PPP6R1: variants seen among roughly 807,000 people sequenced by gnomAD.
The protein encoded by PPP6R1 is serine/threonine-protein phosphatase 6 regulatory subunit 1.
In PPP6R1, 39 loss-of-function variants were observed where a neutral mutation model predicts 104.6. That is an observed-to-expected ratio of 0.37 (90% CI 0.29 to 0.49). PPP6R1 has a LOEUF of 0.49. PPP6R1 is among the 20% of genes least tolerant of loss of function. The probability of loss-of-function intolerance (pLI) is 0.98; values close to 1 mark genes in which losing one functional copy is unlikely to be tolerated. For synonymous variants in PPP6R1, 549 were observed against 479.0 expected (o/e 1.15, Z -1.91); for missense variants, 1,181 against 1,155.8 (o/e 1.02, Z -0.32).
At position 55,232,170 on chromosome 19, in the gene PPP6R1, T is replaced by G; in HGVS notation, c.2030A>C (p.Asp677Ala). 7 of 1,568,826 alleles carry G rather than the reference T, an allele frequency of 4.5e-6. No individual in the cohort carries two copies. The highest frequency in any genetic ancestry group is 6.1e-6 in the Non-Finnish European group (7 of 1,156,648). ...STDSEDEEEE[D>A]EEEEEDEEGI... ...CTCCTCGTCTTCCTCCTCCTCCTCGTCCTCCTCTTCTTCGTCCTCACTGTC... is the reference window on the plus strand; with the variant it reads ...CTCCTCGTCTTCCTCCTCCTCCTCGGCCTCCTCTTCTTCGTCCTCACTGTC... The change falls in exon 18 of 24, where the codon GAC becomes GCC. Residue 677 changes from aspartate (D) to alanine (A), a missense_variant. Physicochemically the swap from Asp to Ala is moderately radical, Grantham distance 126. Around this residue, in one of 2 missense-constraint regions of PPP6R1, gnomAD observed 1,042 missense variants for 955.6 expected, o/e 1.09. Transcript: ENST00000412770.
intron 7 of PPP6R1, 58 bp downstream of exon 7, chr19:55,242,108 G>A (rs2087463652): frequency 1.3e-6 from 2 of 1,524,252 alleles, no homozygotes; most frequent in Non-Finnish European, 1.8e-6. Context: ...CGCCTCTGAG[G>A]GGCCGGAGAG....
chr19:55,255,360 G>A (rs994835253), intron 1 of PPP6R1, among the ~76,000 whole-genome samples: 1 of 152,168 alleles, frequency 6.6e-6, no homozygotes, highest in Non-Finnish European at 1.5e-5. Context: ...ACAGAAAGGG[G>A]CAGAGTTAGG....
chr19:55,241,284 G>A lies in PPP6R1; in HGVS notation c.1116C>T (p.Ala372=). The A allele has an allele frequency of 1.2e-6, 2 of 1,610,644 alleles. No homozygotes were observed. Among genetic ancestry groups the A allele is most frequent in the Non-Finnish European group, 1.7e-6 (2 of 1,179,500 alleles). ...CCAGTGCCAGGAGCTCGTGCGTCAG[G>A]GCTGCATCATTGGCGCTCAGGGCAC... ...LASALSANDA[A]LTHELLALDV... Residue 372 remains alanine (A), a synonymous_variant, in exon 9 of 24, where the codon GCC becomes GCT. Coordinates refer to ENST00000412770, the MANE Select transcript of PPP6R1 (RefSeq NM_014931.4). The surrounding 1 kb of genome is among the most constrained non-coding windows in gnomAD (Gnocchi z 5.4).
chr19:55,230,843 GC>G lies in PPP6R1; in HGVS notation c.2500del (p.Ala834ProfsTer84). The G allele has an allele frequency of 6.2e-7, 1 of 1,607,226 alleles. No individual in the cohort carries two copies. ...DPSTSVPASG[A>X]HQPPQTTEGE... ...TTCTGTGGTCTGGGGGGGCTGGTGG[GC>G]CCCGGAGGCTGGGACAGAGGTAGAG... On this transcript the variant is annotated frameshift_variant, in exon 22 of 24. Coordinates refer to ENST00000412770, the MANE Select transcript of PPP6R1 (RefSeq NM_014931.4). LOFTEE classifies it high-confidence loss of function.
chr19:55,254,632 T>C (rs1032312603), intron 1 of PPP6R1, among the ~76,000 whole-genome samples: 1 of 152,208 alleles, frequency 6.6e-6, no homozygotes, highest in Non-Finnish European at 1.5e-5. Flanking sequence ...TGGGCACAGA[T>C]GCCTCAGGGG....
chr19:55,230,817 C>T lies in PPP6R1; in HGVS notation c.2527G>A (p.Gly843Arg), dbSNP rs772698629. Residue 843 changes from glycine (G) to arginine (R), a missense_variant, in exon 22 of 24, where the codon GGG becomes AGG. Coordinates refer to ENST00000412770, the MANE Select transcript of PPP6R1 (RefSeq NM_014931.4). ...CCCAAGGGCTCTGGGCTCTTCTCCC[C>T]TTCTGTGGTCTGGGGGGGCTGGTGG... is the stretch of plus-strand genomic sequence containing the variant. ...GAHQPPQTTE[G>R]EKSPEPLGLP... 2.5e-6 allele frequency: 4 copies of T among 1,604,322 alleles called. No individual in the cohort carries two copies. The highest frequency in any genetic ancestry group is 3.4e-6 in the Non-Finnish European group (4 of 1,179,044).
At position 55,239,639 on chromosome 19, in the gene PPP6R1, G is replaced by A. The variant is rs765306424; in HGVS notation, c.1608C>T (p.Asp536=). The change falls in exon 14 of 24, where the codon GAC becomes GAT. Residue 536 remains aspartate (D), a synonymous_variant. Coordinates refer to ENST00000412770, the MANE Select transcript of PPP6R1 (RefSeq NM_014931.4). ...CAGGGAAGTTGAACTCCTTGAGCCG[G>A]TCGTCCTCATCGTCACTGGAGGAGT... ...HLHSSSDDED[D]RLKEFNFPEE... 1.2e-6 allele frequency: 2 copies of A among 1,612,326 alleles called. No homozygotes were observed. Among genetic ancestry groups the A allele is most frequent in the South Asian group, 1.1e-5 (1 of 90,702 alleles).
chr19:55,242,606 G>C (rs2087468890), intron 5 of PPP6R1, 118 bp from the exon 6 acceptor site: 3 of 814,446 alleles, frequency 3.7e-6, no homozygotes, highest in East Asian at 5.1e-5. Context: ...CCCAGACACA[G>C]GGACACGTGT....
At chr19:55,231,719 G>T (rs955511229) in intron 19 of PPP6R1, 51 bp from the exon 20 acceptor site, 3 of 1,526,714 alleles carry the variant, frequency 2.0e-6, no homozygotes, top group Middle Eastern at 1.7e-4. Flanking sequence ...TAGCACTCGA[G>T]CCTATGAGAG....
chr19:55,239,776 C>T, intron 13 of PPP6R1, 50 bp downstream of exon 13: 1 of 1,600,658 alleles, frequency 6.2e-7, no homozygotes, highest in Non-Finnish European at 8.5e-7. Context: ...AAGACTGGCC[C>T]AAGAGAGAGA....
chr19:55,235,675 C>T lies in PPP6R1; in HGVS notation c.1988+968G>A, dbSNP rs1467072610. Among the ~76,000 whole-genome samples, 7 of 151,886 alleles carry T rather than the reference C, an allele frequency of 4.6e-5. 1 individual carries two copies. Among genetic ancestry groups the T allele is most frequent in the South Asian group, 4.2e-4 (2 of 4,814 alleles). ...CTGGGACCACAGGTGCCCGCCACCA[C>T]GCCCGGCAAATTTTTTGTATTTTTA... On this transcript the variant is annotated intron_variant, in intron 17 of 23. Transcript: ENST00000412770.
At chr19:55,243,835 T>C (rs1036160064) in intron 5 of PPP6R1, among the ~76,000 whole-genome samples, 2 of 152,190 alleles carry the variant, frequency 1.3e-5, no homozygotes, top group African/African-American at 4.8e-5. Flanking sequence ...CAATTTTTTG[T>C]AGCGACAACG....
intron 1 of PPP6R1, among the ~76,000 whole-genome samples, chr19:55,252,727 G>A (rs527549199): frequency 3.9e-5 from 6 of 152,156 alleles, no homozygotes; most frequent in Non-Finnish European, 8.8e-5. Context: ...TAGTACAGAC[G>A]GGGTTTCACC....
At position 55,246,927 on chromosome 19, in the gene PPP6R1, G is replaced by A; in HGVS notation, c.177C>T (p.Ala59=). 1 of 1,613,570 alleles carries A rather than the reference G, an allele frequency of 6.2e-7. No individual in the cohort carries two copies. Reference sequence around the variant, plus strand: ...TATCTGGCGGCTCCTGGGTGACCCAGGCCACCATTGCTTGCAGGTGGGGTG... The same window carrying A: ...TATCTGGCGGCTCCTGGGTGACCCAAGCCACCATTGCTTGCAGGTGGGGTG... ...LQPPHLQAMV[A]WVTQEPPDSG... is the part of the protein sequence containing the mutation. Residue 59 remains alanine, a synonymous_variant, in exon 2 of 24, where the codon GCC becomes GCT. Transcript: ENST00000412770.
chr19:55,242,090 C>G, intron 7 of PPP6R1, 76 bp downstream of exon 7: 1 of 1,414,410 alleles, frequency 7.1e-7, no homozygotes, highest in East Asian at 2.3e-5. Flanking sequence ...TTGGTGGACA[C>G]CGAGACCCGC....
chr19:55,247,709 G>C (rs1486957506), intron 1 of PPP6R1, among the ~76,000 whole-genome samples: 2 of 152,226 alleles, frequency 1.3e-5, no homozygotes, highest in East Asian at 3.8e-4. Flanking sequence ...GGCGGCAGGG[G>C]GAAGAGAGGA....
intron 1 of PPP6R1, chr19:55,247,374 G>A (rs959726178): frequency 1.6e-5 from 8 of 504,432 alleles, no homozygotes; most frequent in East Asian, 7.1e-5. Flanking sequence ...CCAGCCTCCC[G>A]GCCGCCTCGC....
At chr19:55,250,407 G>C (rs191575390) in intron 1 of PPP6R1, among the ~76,000 whole-genome samples, 1 of 152,316 alleles carries the variant, frequency 6.6e-6, no homozygotes, top group Admixed American at 6.5e-5. Flanking sequence ...GGCCTGTGTA[G>C]TGGACACTTA....
At position 55,241,160 on chromosome 19, in the gene PPP6R1, C is replaced by G. The variant is rs1307744580; in HGVS notation, c.1161+79G>C. On this transcript the variant is annotated intron_variant, in intron 9 of 23. Transcript: ENST00000412770. The surrounding 1 kb of genome is among the most constrained non-coding windows in gnomAD (Gnocchi z 5.4). ...ACCCCTGAGCCCCCAGCCGAGCCCC[C>G]ACCCCAGCCCCCGAACCCTCAGCCC... 4.0e-6 allele frequency: 6 copies of G among 1,496,702 alleles called. No individual in the cohort carries two copies. Among genetic ancestry groups the G allele is most frequent in the South Asian group, 2.6e-5 (2 of 77,248 alleles). The allele number at this position is 1,496,702 out of a possible 1,614,324, so 92.7% of individuals were successfully genotyped here.
Sources: allele counts gnomAD v4.1 joint callset (sites outside exome capture counted in the v4.1 genomes callset), GRCh38; gene constraint gnomAD v4.1.1; regional missense constraint gnomAD v4.1.1; non-coding constraint Gnocchi (gnomAD v3.1); transcripts MANE v1.5; gene names NCBI Gene and HGNC (gene_info 2026-07-23, HGNC 2026-07-21).